The following CAMKMT variants were observed in gnomAD, a reference collection of about 807,000 sequenced individuals.
The protein encoded by CAMKMT is CaM KMT.
CAMKMT carries 53 observed loss-of-function variants against 48.0 expected under a neutral mutation model. The ratio of observed to expected loss-of-function variants is 1.10; its 90% CI spans 0.89 to 1.39. The LOEUF (loss-of-function observed/expected upper bound fraction) is 1.39. Among genes scored for constraint, CAMKMT ranks in the 40% most tolerant of loss-of-function variants. The pLI is 0.00. For synonymous variants in CAMKMT, 165 were observed against 152.3 expected, an observed-to-expected ratio of 1.08 and a Z score of -0.61; for missense variants, 428 against 402.7, an observed-to-expected ratio of 1.06 and a Z score of -0.54.
chr2:44,571,602 G>A (rs772452759), intron 3 of CAMKMT, among the ~76,000 whole-genome samples: 1 of 152,096 alleles, frequency 6.6e-6, no homozygotes, highest in Non-Finnish European at 1.5e-5. Context: ...GGTTTCAGTT[G>A]TTTGCACGTT....
chr2:44,596,208 G>T (rs1346741382), intron 3 of CAMKMT, among the ~76,000 whole-genome samples: 1 of 152,036 alleles, frequency 6.6e-6, no homozygotes, highest in African/African-American at 2.4e-5. Context: ...AAGCACTTTG[G>T]GAGGACGAGG....
intron 9 of CAMKMT, among the ~76,000 whole-genome samples, chr2:44,756,659 G>A (rs370602377): frequency 9.6e-4 from 145 of 151,480 alleles, no homozygotes; most frequent in African/African-American, 3.4e-3. Flanking sequence ...GGAGAATGGC[G>A]TGAACCCTGG....
chr2:44,574,895 C>T (rs530240641), intron 3 of CAMKMT, among the ~76,000 whole-genome samples: 41 of 151,732 alleles, frequency 2.7e-4, no homozygotes, highest in African/African-American at 7.5e-4. Context: ...CATGAGCCAC[C>T]ACGCCCAGCT....
chr2:44,446,891 T>C (rs1308551949), intron 3 of CAMKMT, among the ~76,000 whole-genome samples: 1 of 152,236 alleles, frequency 6.6e-6, no homozygotes, highest in Non-Finnish European at 1.5e-5. Flanking sequence ...GTTGTTGTTG[T>C]ACATACACAT....
At chr2:44,583,166 T>C (rs1448145234) in intron 3 of CAMKMT, among the ~76,000 whole-genome samples, 1 of 152,172 alleles carries the variant, frequency 6.6e-6, no homozygotes, top group African/African-American at 2.4e-5. Context: ...TAGAAGGAGC[T>C]TTATTGATTA....
At chr2:44,412,431 G>A (rs1366411722) in intron 3 of CAMKMT, among the ~76,000 whole-genome samples, 1 of 152,138 alleles carries the variant, frequency 6.6e-6, no homozygotes, top group African/African-American at 2.4e-5. Context: ...TGCCTCCCAG[G>A]TTCAAGCAAT....
chr2:44,645,599 T>C (rs1008053070), intron 3 of CAMKMT, among the ~76,000 whole-genome samples: 3 of 152,140 alleles, frequency 2.0e-5, no homozygotes, highest in African/African-American at 7.2e-5. Context: ...GGCAGGCAGA[T>C]CACTTGAGGT....
At chr2:44,703,652 C>A (rs1194985195) in intron 3 of CAMKMT, among the ~76,000 whole-genome samples, 1 of 151,652 alleles carries the variant, frequency 6.6e-6, no homozygotes, top group African/African-American at 2.4e-5. Context: ...GTGGTGTGCA[C>A]CTGTAATCTC....
intron 3 of CAMKMT, among the ~76,000 whole-genome samples, chr2:44,576,746 T>C (rs10208500): frequency 0.6 from 91,244 of 152,034 alleles, 28,148 homozygotes; most frequent in Admixed American, 0.69. Flanking sequence ...AAAGTAAGTG[T>C]GCTGTGGAGG....
At chr2:44,574,400 G>A (rs1482207581) in intron 3 of CAMKMT, among the ~76,000 whole-genome samples, 1 of 152,156 alleles carries the variant, frequency 6.6e-6, no homozygotes, top group Non-Finnish European at 1.5e-5. Context: ...TCTAGCCCTA[G>A]GCAGATTTAG....
chr2:44,638,582 A>G (rs146354004), intron 3 of CAMKMT, among the ~76,000 whole-genome samples: 87 of 152,338 alleles, frequency 5.7e-4, no homozygotes, highest in African/African-American at 2.0e-3. Flanking sequence ...AATGGGGCCA[A>G]GGCTTCTCAA....
intron 3 of CAMKMT, among the ~76,000 whole-genome samples, chr2:44,448,908 T>C (rs1170611743): frequency 6.6e-6 from 1 of 152,184 alleles, no homozygotes; most frequent in African/African-American, 2.4e-5. Flanking sequence ...TATTTTAAGA[T>C]AGCATTTATA....
chr2:44,772,369 G>T lies in CAMKMT; in HGVS notation c.*256G>T, dbSNP rs1211759831. The T allele has an allele frequency of 1.2e-5, 4 of 333,320 alleles. No homozygotes were observed. The highest frequency in any genetic ancestry group is 1.3e-4 in the South Asian group (1 of 7,938). 20.6% of individuals were successfully genotyped at this position (333,320 alleles called of 1,614,324 possible). On this transcript the variant is annotated 3_prime_UTR_variant, in exon 11 of 11. Coordinates refer to ENST00000378494, the MANE Select transcript of CAMKMT (RefSeq NM_024766.5). ...GTTTGTCTTTAAATGTGTATAAGCT[G>T]CCTGTCTGTGACTTGAATTTGACTG... is the stretch of plus-strand genomic sequence containing the variant.
chr2:44,586,540 A>G (rs1669868482), intron 3 of CAMKMT, among the ~76,000 whole-genome samples: 1 of 152,088 alleles, frequency 6.6e-6, no homozygotes. Context: ...ATTCTTTTTC[A>G]TCAGGCTTCT....
At chr2:44,669,733 G>A (rs1675222230) in intron 3 of CAMKMT, among the ~76,000 whole-genome samples, 1 of 152,034 alleles carries the variant, frequency 6.6e-6, no homozygotes, top group South Asian at 2.1e-4. Context: ...AGCCTCCTGG[G>A]CTTAGGTGAT....
At chr2:44,453,608 G>A (rs943131988) in intron 3 of CAMKMT, among the ~76,000 whole-genome samples, 1 of 152,024 alleles carries the variant, frequency 6.6e-6, no homozygotes, top group Non-Finnish European at 1.5e-5. Context: ...TATAGAGAAT[G>A]GATTCAGTTT....
intron 3 of CAMKMT, among the ~76,000 whole-genome samples, chr2:44,416,072 C>A (rs1310387462): frequency 6.6e-6 from 1 of 152,076 alleles, no homozygotes; most frequent in East Asian, 1.9e-4. Context: ...AATGCTTCAT[C>A]AAGTAATATC....
At chr2:44,407,105 G>C (rs1682834726) in intron 3 of CAMKMT, among the ~76,000 whole-genome samples, 1 of 152,212 alleles carries the variant, frequency 6.6e-6, no homozygotes. Flanking sequence ...AATTTAGGCA[G>C]TAGTGAAACT....
chr2:44,715,957 A>G (rs1256260123), intron 7 of CAMKMT, among the ~76,000 whole-genome samples: 1 of 152,118 alleles, frequency 6.6e-6, no homozygotes, highest in Non-Finnish European at 1.5e-5. Context: ...AGATTCTGTT[A>G]ATTCTTATAC....
Sources: gnomAD v4.1 joint callset for allele counts (sites outside exome capture counted in the v4.1 genomes callset) on GRCh38, gnomAD v4.1.1 for gene constraint, MANE v1.5 for transcripts, NCBI Gene and HGNC (gene_info 2026-07-23, HGNC 2026-07-21) for gene names.